LHPP: variants seen among roughly 807,000 people sequenced by gnomAD.
The protein encoded by LHPP is phospholysine phosphohistidine inorganic pyrophosphate phosphatase, also known as hLHPP.
LHPP carries 24 observed loss-of-function variants against 30.3 expected under a neutral mutation model. The observed-to-expected ratio is 0.79, with a 90% CI of 0.57 to 1.11. The LOEUF (loss-of-function observed/expected upper bound fraction) is 1.11. Ranked by LOEUF, LHPP falls within the 50% of genes most tolerant of loss-of-function variation. LHPP has a pLI of 0.00. For missense variants in LHPP, 356 were observed against 367.2 expected, an observed-to-expected ratio of 0.97 and a Z score of 0.25; for synonymous variants, 150 against 157.1, an observed-to-expected ratio of 0.95 and a Z score of 0.34.
intron 6 of LHPP, among the ~76,000 whole-genome samples, chr10:124,518,934 GT>G (rs1291875860): frequency 6.6e-6 from 1 of 152,216 alleles, no homozygotes; most frequent in African/African-American, 2.4e-5. Context: ...GAGAAACTCT[GT>G]TTTTTTGTTT....
At chr10:124,499,265 C>T (rs1290548597) in intron 5 of LHPP, among the ~76,000 whole-genome samples, 2 of 151,764 alleles carry the variant, frequency 1.3e-5, no homozygotes, top group Admixed American at 6.5e-5. Context: ...AGCCGTCCTC[C>T]TGCCTCGGCC....
chr10:124,569,470 G>T (rs1456074478), intron 6 of LHPP, among the ~76,000 whole-genome samples: 1 of 152,210 alleles, frequency 6.6e-6, no homozygotes, highest in Non-Finnish European at 1.5e-5. Context: ...GTCGCGGAAA[G>T]TCTGAGGGCA....
In LHPP at chr10:124,613,401, TCCTCCACCCCTGCCTCC is replaced by T. The variant is rs750302364; in HGVS notation, c.*58_*74del. The T allele has an allele frequency of 3.2e-4, 391 of 1,207,526 alleles. 1 individual carries two copies. The highest frequency in any genetic ancestry group is 8.1e-4 in the Admixed American group (44 of 54,398). 74.8% of individuals were successfully genotyped at this position (1,207,526 alleles called of 1,614,324 possible). On this transcript the variant is annotated 3_prime_UTR_variant, in exon 7 of 7. Coordinates refer to ENST00000368842, the MANE Select transcript of LHPP (RefSeq NM_022126.4). ...GCCCCGCCTCCTCCACCCCTGCCTC[TCCTCCACCCCTGCCTCC>T]CCTCCACCCCTGCCTCTCCTCCACC...
chr10:124,570,244 A>G (rs970579366), intron 6 of LHPP, among the ~76,000 whole-genome samples: 11 of 151,918 alleles, frequency 7.2e-5, no homozygotes, highest in African/African-American at 2.7e-4. Flanking sequence ...CTGGGCCCTC[A>G]CTGCCACCAG....
intron 6 of LHPP, among the ~76,000 whole-genome samples, chr10:124,522,548 G>T (rs1219400452): frequency 1.3e-5 from 2 of 152,224 alleles, no homozygotes; most frequent in Admixed American, 6.5e-5. Context: ...TTTTACAGAA[G>T]CTGGACTGGA....
Position 124,584,375 on chromosome 10 carries a change from A to G in LHPP, c.717-28889A>G, listed in dbSNP as rs181551212. 5.4e-3 allele frequency among the ~76,000 whole-genome samples: 826 copies of G among 152,106 alleles called. 8 individuals carry two copies. The highest frequency in any genetic ancestry group is 0.019 in the African/African-American group (787 of 41,490). On this transcript the variant is annotated intron_variant, in intron 6 of 6. Coordinates refer to ENST00000368842, the MANE Select transcript of LHPP (RefSeq NM_022126.4). ...CGAGACTCTGTCTCAAAAAAAAAAA[A>G]AAAAAGAAAAAGAACAGCAATTTAT...
At chr10:124,594,340 A>AAG (rs1423230123) in intron 6 of LHPP, among the ~76,000 whole-genome samples, 1 of 151,094 alleles carries the variant, frequency 6.6e-6, no homozygotes, top group Non-Finnish European at 1.5e-5. Flanking sequence ...AAAAAAAAAA[A>AAG]AAAAAAAAAA....
rs951150 is a variant in LHPP, at chr10:124,560,168, G to A, written c.716+42897G>A. On this transcript the variant is annotated intron_variant, in intron 6 of 6. Transcript: ENST00000368842. ...ACTACGTTGTTGTATATGGAGAGAGGACTCTTTCTTGGTTTTAAATTTTGT... is the reference window on the plus strand; with the variant it reads ...ACTACGTTGTTGTATATGGAGAGAGAACTCTTTCTTGGTTTTAAATTTTGT... Among the ~76,000 whole-genome samples the A allele has an allele frequency of 3.3e-3, 501 of 152,308 alleles. 1 individual carries two copies. The highest frequency in any genetic ancestry group is 5.1e-3 in the Non-Finnish European group (347 of 68,030).
At position 124,613,459 on chromosome 10, in the gene LHPP, C is replaced by A. The variant is rs1025641100; in HGVS notation, c.*99C>A. 7.6e-6 allele frequency: 6 copies of A among 786,248 alleles called. No individual in the cohort carries two copies. In the African/African-American group the frequency reaches 8.6e-5, roughly 11 times the overall value. The allele number at this position is 786,248 out of a possible 1,614,324, so 48.7% of individuals were successfully genotyped here. On this transcript the variant is annotated 3_prime_UTR_variant, in exon 7 of 7. Transcript: ENST00000368842. ...CTCCTCCACCCGCCCAGGAGAGCCC[C>A]ACCTCCTCCACCCCTGCCTCTCCTC...
chr10:124,564,236 G>T (rs1948452142), intron 6 of LHPP, among the ~76,000 whole-genome samples: 4 of 151,758 alleles, frequency 2.6e-5, no homozygotes, highest in Middle Eastern at 6.8e-3. Context: ...TGATTCTCCT[G>T]CTTCAGCCTC....
At chr10:124,535,527 C>G (rs977848949) in intron 6 of LHPP, among the ~76,000 whole-genome samples, 2 of 152,144 alleles carry the variant, frequency 1.3e-5, no homozygotes, top group East Asian at 3.8e-4. Flanking sequence ...TCCCAAGTAG[C>G]CGGGACTATA....
intron 6 of LHPP, among the ~76,000 whole-genome samples, chr10:124,543,283 G>C (rs1327074761): frequency 6.6e-6 from 1 of 152,234 alleles, no homozygotes; most frequent in Admixed American, 6.5e-5. Context: ...GGAGTTTGTG[G>C]CCAACCTGAG....
At chr10:124,577,563 T>C (rs1948679467) in intron 6 of LHPP, among the ~76,000 whole-genome samples, 1 of 148,850 alleles carries the variant, frequency 6.7e-6, no homozygotes, top group Non-Finnish European at 1.5e-5. Context: ...CAGGTAACCT[T>C]AGAGGCCTGG....
rs150800919 is a variant in LHPP, at chr10:124,552,188, G to A, written c.716+34917G>A. Among the ~76,000 whole-genome samples, 1,067 of 152,214 alleles carry A rather than the reference G, an allele frequency of 7.0e-3. 12 individuals carry two copies. Among genetic ancestry groups the A allele is most frequent in the African/African-American group, 0.025 (1,040 of 41,528 alleles). On this transcript the variant is annotated intron_variant, in intron 6 of 6. Coordinates refer to ENST00000368842, the MANE Select transcript of LHPP (RefSeq NM_022126.4). ...TGGAAGTGAGTTCATGATGTTAATG[G>A]CAGCAGCAGCCATGGTGCACCAGGC...
intron 1 of LHPP, among the ~76,000 whole-genome samples, chr10:124,481,431 C>T (rs1466429256): frequency 7.6e-6 from 1 of 131,184 alleles, no homozygotes; most frequent in African/African-American, 2.9e-5. Context: ...GGCTGGAGGG[C>T]AGTGGCTTGA....
intron 6 of LHPP, among the ~76,000 whole-genome samples, chr10:124,546,807 G>C (rs952591618): frequency 6.6e-5 from 10 of 152,106 alleles, no homozygotes; most frequent in Non-Finnish European, 2.9e-5. Context: ...TGCTTCGGTT[G>C]CTGTTTGTCC....
intron 6 of LHPP, among the ~76,000 whole-genome samples, chr10:124,528,111 G>A (rs931397307): frequency 6.6e-6 from 1 of 152,074 alleles, no homozygotes; most frequent in Non-Finnish European, 1.5e-5. Context: ...GTGGGGCTGA[G>A]CCCCAGCTGT....
At chr10:124,498,162 G>T (rs1420253528) in intron 5 of LHPP, 34 bp downstream of exon 5, 1 of 1,592,716 alleles carries the variant, frequency 6.3e-7, no homozygotes, top group Non-Finnish European at 8.6e-7. Flanking sequence ...GGTCAGGGGA[G>T]GCAGCCCCGT....
In LHPP at chr10:124,510,023, C is replaced by A. The variant is rs1954260081; in HGVS notation, c.625-7157C>A. 2.0e-5 allele frequency among the ~76,000 whole-genome samples: 3 copies of A among 152,252 alleles called. No individual in the cohort carries two copies. The South Asian group carries it at 6.2e-4, about 32-fold the overall frequency. On this transcript the variant is annotated intron_variant, in intron 5 of 6. Transcript: ENST00000368842. The surrounding 1 kb of genome is among the most constrained non-coding windows in gnomAD (Gnocchi z 4.0). ...GAGGATTGACTGCTGTAGCACCCGA[C>A]CCAGGACACCTGCCTCTGGGACTGT... is the stretch of plus-strand genomic sequence containing the variant.
Sources: gnomAD v4.1 joint callset for allele counts (sites outside exome capture counted in the v4.1 genomes callset) on GRCh38, gnomAD v4.1.1 for gene constraint, Gnocchi (gnomAD v3.1) non-coding constraint, MANE v1.5 for transcripts, NCBI Gene and HGNC (gene_info 2026-07-23, HGNC 2026-07-21) for gene names.